The following CES5A variants were observed in gnomAD, a reference collection of about 807,000 sequenced individuals.
The protein encoded by CES5A is carboxylesterase 5.
Under a neutral mutation model 62.9 loss-of-function variants are expected in CES5A, and 67 were observed. The observed-to-expected ratio is 1.07, with a 90% CI of 0.88 to 1.31. CES5A has a LOEUF of 1.31. Among genes scored for constraint, CES5A ranks in the 50% most tolerant of loss-of-function variants. The pLI, the probability that CES5A is intolerant of heterozygous loss-of-function variation, is 0.00. For missense variants in CES5A, 748 were observed against 708.5 expected (o/e 1.06, Z -0.63); for synonymous variants, 296 against 280.8 (o/e 1.05, Z -0.54).
intron 2 of CES5A, among the ~76,000 whole-genome samples, chr16:55,946,509 C>T (rs1422285043): frequency 6.6e-6 from 1 of 152,192 alleles, no homozygotes; most frequent in Non-Finnish European, 1.5e-5. Context: ...ATTTTTCCTC[C>T]TTTCTGTTGC....
chr16:55,886,604 G>T (rs1398054011), intron 1 of CES5A, among the ~76,000 whole-genome samples: 1 of 152,128 alleles, frequency 6.6e-6, no homozygotes, highest in East Asian at 1.9e-4. Context: ...ATGCCCACTG[G>T]CCAGCAGCAG....
chr16:55,940,662 T>G (rs2034436114), intron 2 of CES5A, among the ~76,000 whole-genome samples: 1 of 151,860 alleles, frequency 6.6e-6, no homozygotes, highest in Non-Finnish European at 1.5e-5. Flanking sequence ...AGGAAACATA[T>G]ACCCAACTCA....
At chr16:55,955,923 C>A (rs1340627696) in exon 1 of CES5A, 1 of 1,535,256 alleles carries the variant, frequency 6.5e-7, no homozygotes, top group South Asian at 1.2e-5. Flanking sequence ...ACCTCAGCAT[C>A]CCAGCTGGCC....
At chr16:55,868,723 C>T (rs2033518996) in intron 4 of CES5A, among the ~76,000 whole-genome samples, 1 of 152,202 alleles carries the variant, frequency 6.6e-6, no homozygotes, top group Admixed American at 6.5e-5. Context: ...GGCCCCACCT[C>T]TCACTTCTCC....
At chr16:55,912,428 GA>G (rs1275361467) in intron 1 of CES5A, among the ~76,000 whole-genome samples, 3 of 152,096 alleles carry the variant, frequency 2.0e-5, no homozygotes, top group Non-Finnish European at 2.9e-5. Context: ...AGCATTCGAG[GA>G]AAAAAACAAA....
intron 1 of CES5A, among the ~76,000 whole-genome samples, chr16:55,902,524 G>A (rs1419670576): frequency 6.6e-6 from 1 of 150,648 alleles, no homozygotes; most frequent in Non-Finnish European, 1.5e-5. Context: ...AGGGATGTGG[G>A]AGAGGAGACC....
intron 2 of CES5A, among the ~76,000 whole-genome samples, chr16:55,940,195 C>A (rs1234764002): frequency 6.6e-6 from 1 of 151,886 alleles, no homozygotes; most frequent in Non-Finnish European, 1.5e-5. Flanking sequence ...AAAAGTAATG[C>A]AGAATCAATG....
At chr16:55,867,874 T>C (rs1165395061) in intron 4 of CES5A, among the ~76,000 whole-genome samples, 3 of 152,188 alleles carry the variant, frequency 2.0e-5, no homozygotes, top group East Asian at 3.8e-4. Context: ...ATTCACGTTA[T>C]ATACATGTTA....
chr16:55,905,417 A>G (rs1291549784), intron 1 of CES5A, among the ~76,000 whole-genome samples: 1 of 149,334 alleles, frequency 6.7e-6, no homozygotes, highest in Non-Finnish European at 1.5e-5. Flanking sequence ...CCCAGGCTGG[A>G]GTTCAGTGGC....
At position 55,866,658 on chromosome 16, in the gene CES5A, T is replaced by A. The variant is rs11860093; in HGVS notation, c.552-542A>T. Among the ~76,000 whole-genome samples, 91 of 82,796 alleles carry A rather than the reference T, an allele frequency of 1.1e-3. 1 individual carries two copies. The highest frequency in any genetic ancestry group is 3.0e-3 in the African/African-American group (68 of 23,028). The allele number at this position is 82,796 out of a possible 152,430, so 54.3% of individuals were successfully genotyped here. A position where few individuals can be genotyped will look rare whatever the true frequency, so the allele number is the denominator to read the frequency against. On this transcript the variant is annotated intron_variant, in intron 4 of 12. Coordinates refer to ENST00000290567, the MANE Select transcript of CES5A (RefSeq NM_001143685.2). ...TAATATAGTGAAACTCTGTCTCTGCTAAAAAAAAAAAAAAAAAAAATACAA... is the reference window on the plus strand; with the variant it reads ...TAATATAGTGAAACTCTGTCTCTGCAAAAAAAAAAAAAAAAAAAAATACAA...
At chr16:55,944,148 G>A (rs558906152) in intron 2 of CES5A, 13 of 701,344 alleles carry the variant, frequency 1.9e-5, no homozygotes, top group Non-Finnish European at 3.1e-5. Flanking sequence ...TATTACTTAT[G>A]GGCTAAGAAA....
chr16:55,930,432 G>T (rs1275478850), upstream of CES5A, among the ~76,000 whole-genome samples: 2 of 152,126 alleles, frequency 1.3e-5, no homozygotes, highest in Non-Finnish European at 2.9e-5. Flanking sequence ...TTATCCTTCA[G>T]ATCTCCCCCA....
intron 1 of CES5A, among the ~76,000 whole-genome samples, chr16:55,950,112 A>C (rs900410526): frequency 6.6e-6 from 1 of 152,202 alleles, no homozygotes; most frequent in Non-Finnish European, 1.5e-5. Context: ...GAGAAGACTG[A>C]AGAAAGAAAC....
At chr16:55,868,835 A>G (rs1308324652) in intron 4 of CES5A, among the ~76,000 whole-genome samples, 1 of 152,214 alleles carries the variant, frequency 6.6e-6, no homozygotes, top group East Asian at 1.9e-4. Flanking sequence ...GACCCCTGGG[A>G]AGTTGTTTGG....
chr16:55,927,840 C>T (rs2034273862), upstream of CES5A, among the ~76,000 whole-genome samples: 2 of 152,156 alleles, frequency 1.3e-5, no homozygotes, highest in African/African-American at 4.8e-5. Context: ...TACCACAGCA[C>T]AATTCACAAT....
At chr16:55,887,946 C>T (rs2033834255) in intron 1 of CES5A, among the ~76,000 whole-genome samples, 2 of 152,122 alleles carry the variant, frequency 1.3e-5, no homozygotes, top group South Asian at 4.2e-4. Flanking sequence ...GCATGCAGTA[C>T]TGATTATGGC....
At chr16:55,869,886 C>A in intron 3 of CES5A, 142 bp from the exon 4 acceptor site, 3 of 1,223,006 alleles carry the variant, frequency 2.5e-6, no homozygotes, top group Non-Finnish European at 1.1e-6. Context: ...TTGAAGAAGG[C>A]CCAGGGTTAA....
chr16:55,933,543 A>C (rs1185287464), intron 2 of CES5A, among the ~76,000 whole-genome samples: 1 of 152,088 alleles, frequency 6.6e-6, no homozygotes, highest in Non-Finnish European at 1.5e-5. Flanking sequence ...AGTTGGTGAA[A>C]ATTCCATGTT....
chr16:55,937,668 G>A (rs2034390596), intron 2 of CES5A, among the ~76,000 whole-genome samples: 1 of 152,230 alleles, frequency 6.6e-6, no homozygotes, highest in African/African-American at 2.4e-5. Flanking sequence ...GGAAATGTAG[G>A]AAAGTTGTGA....
Sources: allele counts gnomAD v4.1 joint callset (sites outside exome capture counted in the v4.1 genomes callset), GRCh38; gene constraint gnomAD v4.1.1; transcripts MANE v1.5; gene names NCBI Gene and HGNC (gene_info 2026-07-23, HGNC 2026-07-21).